ROBO2: variants seen among roughly 807,000 people sequenced by gnomAD.
The protein encoded by ROBO2 is roundabout homolog 2.
ROBO2 carries 53 observed loss-of-function variants against 160.8 expected under a neutral mutation model. That is an observed-to-expected ratio of 0.33 (90% CI 0.26 to 0.41). The LOEUF is 0.41. Ranked by LOEUF, ROBO2 falls within the 10% of genes least tolerant of loss-of-function variation. The pLI is 1.00. For missense variants in ROBO2, 1,577 were observed against 1,722.4 expected, an observed-to-expected ratio of 0.92 and a Z score of 1.49; for synonymous variants, 664 against 611.7, an observed-to-expected ratio of 1.09 and a Z score of -1.26.
chr3:77,472,695 C>A (rs1344304827), intron 2 of ROBO2, among the ~76,000 whole-genome samples: 3 of 152,006 alleles, frequency 2.0e-5, no homozygotes, highest in African/African-American at 7.3e-5. Context: ...TAGAATGTAC[C>A]TACCATATCC....
rs573974464 is a variant in ROBO2 at position 77,367,837 on chromosome 3, T to C, written c.389-109577T>C. 3.3e-5 allele frequency among the ~76,000 whole-genome samples: 5 copies of C among 152,290 alleles called. No homozygotes were observed. The South Asian group carries it at 1.0e-3, about 32-fold the overall frequency. On this transcript the variant is annotated intron_variant, in intron 2 of 25. Transcript: ENST00000461745. ...TCTGACACTTCCAGTTCATCAGTTG[T>C]GGTTCTTTATGTGAATATTTGACTA...
chr3:77,164,908 G>A (rs1354028034), intron 2 of ROBO2, among the ~76,000 whole-genome samples: 2 of 106,420 alleles, frequency 1.9e-5, no homozygotes, highest in Non-Finnish European at 2.2e-5. Flanking sequence ...CCCCCCGCCC[G>A]GCCAGCCGCC....
At chr3:76,065,008 A>G (rs1410128043) in intron 2 of ROBO2, among the ~76,000 whole-genome samples, 1 of 152,104 alleles carries the variant, frequency 6.6e-6, no homozygotes, top group Non-Finnish European at 1.5e-5. Context: ...TTTGCATTCC[A>G]GATTGTTGTT....
At chr3:75,968,368 G>C (rs1248606697) in intron 2 of ROBO2, among the ~76,000 whole-genome samples, 1 of 151,302 alleles carries the variant, frequency 6.6e-6, no homozygotes, top group Admixed American at 6.6e-5. Flanking sequence ...TTGCTGCTCT[G>C]ATAGTATTGA....
chr3:77,630,592 A>G (rs1355481547), intron 23 of ROBO2: 1 of 151,838 alleles, frequency 6.6e-6, no homozygotes, highest in Non-Finnish European at 1.5e-5. Context: ...GCTAGCCTAG[A>G]TATGGAAGGG....
At chr3:76,729,617 T>G (rs2093603541) in intron 2 of ROBO2, among the ~76,000 whole-genome samples, 1 of 150,472 alleles carries the variant, frequency 6.6e-6, no homozygotes, top group Admixed American at 6.6e-5. Context: ...TACACATGTA[T>G]TTCTTTTCTG....
chr3:76,884,301 A>G (rs1051771082), intron 2 of ROBO2, among the ~76,000 whole-genome samples: 1 of 152,238 alleles, frequency 6.6e-6, no homozygotes, highest in Admixed American at 6.5e-5. Flanking sequence ...ATGTGGAAGT[A>G]TGCATAAAAA....
rs199513056 is a variant in ROBO2 at position 76,625,870 on chromosome 3, A to AT, written c.110-472135dup. Reference sequence around the variant, plus strand: ...AGAGATTTTAACAGATGAAAATGTGATTTTTTTTTCGAAGGATTCTATTGC... The same window carrying AT: ...AGAGATTTTAACAGATGAAAATGTGATTTTTTTTTTCGAAGGATTCTATTGC... On this transcript the variant is annotated intron_variant, in intron 2 of 26. Coordinates refer to the ROBO2 transcript ENST00000487694. Among the ~76,000 whole-genome samples the AT allele has an allele frequency of 3.7e-3, 559 of 151,670 alleles. 4 individuals are homozygous for AT. The highest frequency in any genetic ancestry group is 0.013 in the African/African-American group (535 of 41,322).
intron 2 of ROBO2, among the ~76,000 whole-genome samples, chr3:76,485,732 T>C (rs183698950): frequency 6.6e-6 from 1 of 152,274 alleles, no homozygotes; most frequent in East Asian, 1.9e-4. Flanking sequence ...AGAACCAGAT[T>C]ACATACAAAA....
intron 1 of ROBO2, among the ~76,000 whole-genome samples, chr3:77,087,353 A>G (rs2069464017): frequency 6.6e-6 from 1 of 152,202 alleles, no homozygotes; most frequent in Non-Finnish European, 1.5e-5. Context: ...TATAAATATG[A>G]TAATAACAAG....
chr3:76,961,858 G>A (rs2079686814), intron 2 of ROBO2, among the ~76,000 whole-genome samples: 1 of 152,052 alleles, frequency 6.6e-6, no homozygotes, highest in African/African-American at 2.4e-5. Flanking sequence ...GAGTTGTATA[G>A]ATGTGATAAT....
intron 15 of ROBO2, 138 bp downstream of exon 16, chr3:77,577,752 A>T (rs2093807268): frequency 9.1e-7 from 1 of 1,099,652 alleles, no homozygotes; most frequent in Admixed American, 2.0e-5. Context: ...TCTGTGTGAC[A>T]GAGAATGAAA....
intron 2 of ROBO2, among the ~76,000 whole-genome samples, chr3:76,056,021 C>CTGGTTT (rs747407137): frequency 2.0e-5 from 3 of 152,122 alleles, no homozygotes; most frequent in Non-Finnish European, 4.4e-5. Context: ...AATACATCCT[C>CTGGTTT]TGGTTTTGCA....
At chr3:75,995,937 C>T (rs947162855) in intron 2 of ROBO2, among the ~76,000 whole-genome samples, 20 of 152,114 alleles carry the variant, frequency 1.3e-4, no homozygotes, top group African/African-American at 4.8e-4. Flanking sequence ...GCCAATTTCT[C>T]CCTTTTGGAA....
chr3:76,851,531 C>G (rs2069350149), intron 2 of ROBO2, among the ~76,000 whole-genome samples: 1 of 150,792 alleles, frequency 6.6e-6, no homozygotes, highest in Non-Finnish European at 1.5e-5. Flanking sequence ...GTCAGGAGAT[C>G]GAGACCATCC....
chr3:76,485,079 G>A (rs1005845063), intron 2 of ROBO2, among the ~76,000 whole-genome samples: 1 of 152,024 alleles, frequency 6.6e-6, no homozygotes, highest in Non-Finnish European at 1.5e-5. Flanking sequence ...TTCCTCAAAC[G>A]GTGGTGGCGG....
At chr3:75,914,718 C>G (rs898438363) in intron 1 of ROBO2, among the ~76,000 whole-genome samples, 3 of 152,182 alleles carry the variant, frequency 2.0e-5, no homozygotes, top group Non-Finnish European at 2.9e-5. Context: ...GTAAGTAACT[C>G]TTAATGAGAA....
chr3:77,565,398 A>T (rs1320885177), intron 12 of ROBO2, among the ~76,000 whole-genome samples: 2 of 152,098 alleles, frequency 1.3e-5, no homozygotes, highest in Non-Finnish European at 2.9e-5. Flanking sequence ...TTTCAAAGGG[A>T]GGAAAATGTT....
At chr3:77,122,656 T>A (rs2074892743) in intron 2 of ROBO2, among the ~76,000 whole-genome samples, 1 of 152,318 alleles carries the variant, frequency 6.6e-6, no homozygotes, top group African/African-American at 2.4e-5. Context: ...ACACCTTTTT[T>A]TAAAGGGATG....
Sources: allele counts gnomAD v4.1 joint callset (sites outside exome capture counted in the v4.1 genomes callset), GRCh38; gene constraint gnomAD v4.1.1; transcripts MANE v1.5; gene names NCBI Gene and HGNC (gene_info 2026-07-23, HGNC 2026-07-21).